The following AACS variants were observed in gnomAD, a reference collection of about 807,000 sequenced individuals.
AACS encodes the protein acetoacetate-CoA ligase.
In AACS, 69 loss-of-function variants were observed where a neutral mutation model predicts 83.1. The observed-to-expected ratio is 0.83, with a 90% confidence interval of 0.68 to 1.01. The LOEUF (loss-of-function observed/expected upper bound fraction) is 1.01. Ranked by LOEUF, AACS falls within the 50% of genes least tolerant of loss-of-function variation. The probability of loss-of-function intolerance (pLI) is 0.00; values close to 1 mark genes in which losing one functional copy is unlikely to be tolerated. For synonymous variants in AACS, 333 were observed against 343.4 expected (o/e 0.97, Z 0.33); for missense variants, 866 against 882.2 (o/e 0.98, Z 0.23).
intron 3 of AACS, among the ~76,000 whole-genome samples, chr12:125,083,207 C>T (rs6488987): frequency 0.59 from 89,345 of 151,976 alleles, 26,475 homozygotes; most frequent in South Asian, 0.69. Context: ...GATGGTGTGC[C>T]CACGTGGCTG....
chr12:125,137,016 T>C, intron 17 of AACS, 152 bp downstream of exon 17: 1 of 762,056 alleles, frequency 1.3e-6, no homozygotes, highest in Non-Finnish European at 2.1e-6. Context: ...CCATCCTTTT[T>C]CCTACCCTTC....
rs186503661 is a variant in AACS, at chr12:125,086,575, C to G, written c.472+132C>G. 3.2e-5 allele frequency: 25 copies of G among 771,076 alleles called. 2 individuals carry two copies. The highest frequency in any genetic ancestry group is 2.8e-4 in the African/African-American group (16 of 57,224). 47.8% of individuals were successfully genotyped at this position (771,076 alleles called of 1,614,324 possible). ...CATGGAACCTTGTGGGACTTGGACT[C>G]TACATGCAAGGAGAAAAAATAGACC... On this transcript the variant is annotated intron_variant, in intron 4 of 17. Coordinates refer to ENST00000316519, the MANE Select transcript of AACS (RefSeq NM_023928.5).
chr12:125,135,340 C>T (rs1957386857), intron 16 of AACS, among the ~76,000 whole-genome samples: 1 of 152,146 alleles, frequency 6.6e-6, no homozygotes, highest in African/African-American at 2.4e-5. Context: ...AGTGATCCGC[C>T]TGCCTCGGCC....
At chr12:125,109,138 T>G (rs1956896342) in intron 8 of AACS, among the ~76,000 whole-genome samples, 1 of 152,164 alleles carries the variant, frequency 6.6e-6, no homozygotes, top group East Asian at 1.9e-4. Context: ...TCCTTTTGTT[T>G]TGTTTTGTTT....
In AACS at chr12:125,136,835, A is replaced by G; in HGVS notation, c.1852A>G (p.Ser618Gly). Residue 618 changes from serine (S) to glycine (G), a missense_variant, in exon 17 of 18, where the codon AGC becomes GGC. Ser to Gly is a moderately conservative substitution (Grantham distance 56, BLOSUM62 0). Transcript: ENST00000316519. ...RMGLSARHVP[S>G]LILETKGIPY... ...GGGCTTGTCTGCGCGACACGTGCCCAGCCTCATCCTGGAAACCAAGGGCAT... is the reference window on the plus strand; with the variant it reads ...GGGCTTGTCTGCGCGACACGTGCCCGGCCTCATCCTGGAAACCAAGGGCAT... 6.2e-7 allele frequency: 1 copy of G among 1,613,784 alleles called. No individual in the cohort carries two copies. The highest frequency in any genetic ancestry group is 1.1e-5 in the South Asian group (1 of 91,084).
Position 125,124,700 on chromosome 12 carries a change from C to A in AACS, c.1122-5C>A, listed in dbSNP as rs1957217008. On this transcript the variant is annotated splice_region_variant and splice_polypyrimidine_tract_variant and intron_variant, in intron 10 of 17. Coordinates refer to ENST00000316519, the MANE Select transcript of AACS (RefSeq NM_023928.5). Reference sequence around the variant, plus strand: ...CTGGTGTTTTCTTTCCCGCCTGCACCCTAGCATCACTGTCCTGGTAACTGG... The same window carrying A: ...CTGGTGTTTTCTTTCCCGCCTGCACACTAGCATCACTGTCCTGGTAACTGG... 6.2e-7 allele frequency: 1 copy of A among 1,613,600 alleles called. No individual in the cohort carries two copies. The highest frequency in any genetic ancestry group is 1.3e-5 in the African/African-American group (1 of 74,898).
chr12:125,102,612 C>T, intron 5 of AACS, 67 bp from the exon 6 acceptor site: 1 of 1,352,674 alleles, frequency 7.4e-7, no homozygotes, highest in Non-Finnish European at 1.1e-6. Context: ...CTACAGGCAC[C>T]CACCACCATG....
At chr12:125,076,932 C>T (rs376327019) in intron 3 of AACS, among the ~76,000 whole-genome samples, 9 of 152,158 alleles carry the variant, frequency 5.9e-5, no homozygotes, top group South Asian at 4.1e-4. Flanking sequence ...GTGCAGAGGC[C>T]GGGTGTGGTG....
chr12:125,078,799 C>T (rs910024968), intron 3 of AACS, among the ~76,000 whole-genome samples: 10 of 114,198 alleles, frequency 8.8e-5, no homozygotes, highest in Admixed American at 5.4e-4. Flanking sequence ...CCAGCCTGGG[C>T]GACAGAGCAA....
rs145595572 is a variant in AACS, at chr12:125,107,250, C to T, written c.897C>T (p.Cys299=). ...FSSGTTGAPK[C]MVHSAGGTLI... ...CGGGCACCACGGGCGCACCCAAGTGCATGGTGCATTCCGCTGGGGTAGGTC... is the reference window on the plus strand; with the variant it reads ...CGGGCACCACGGGCGCACCCAAGTGTATGGTGCATTCCGCTGGGGTAGGTC... Residue 299 remains cysteine (C), a synonymous_variant, in exon 8 of 18, where the codon TGC becomes TGT. Transcript: ENST00000316519. 1.2e-6 allele frequency: 2 copies of T among 1,613,808 alleles called. No individual in the cohort carries two copies.
At chr12:125,081,644 G>A (rs953788539) in intron 3 of AACS, among the ~76,000 whole-genome samples, 2 of 152,146 alleles carry the variant, frequency 1.3e-5, no homozygotes, top group Admixed American at 6.5e-5. Flanking sequence ...ATGCTCCAGC[G>A]AGTAGAGCAA....
Position 125,102,801 on chromosome 12 carries a change from G to A in AACS, c.685+8G>A. 6.2e-7 allele frequency: 1 copy of A among 1,612,880 alleles called. No homozygotes were observed. Among genetic ancestry groups the A allele is most frequent in the Non-Finnish European group, 8.5e-7 (1 of 1,178,880 alleles). ...TGCAGCAGGTGGTTAAAGGTGTGTG[G>A]CCCTTCCGGCTCCCAGCCGGCATGG... On this transcript the variant is annotated splice_region_variant and intron_variant, in intron 6 of 17. Transcript: ENST00000316519.
Position 125,116,493 on chromosome 12 carries a change from T to C in AACS, c.996+1936T>C, listed in dbSNP as rs146237230. Among the ~76,000 whole-genome samples the C allele has an allele frequency of 6.8e-4, 104 of 152,282 alleles. 1 individual carries two copies. The East Asian group carries it at 0.017, about 25-fold the overall frequency. On this transcript the variant is annotated intron_variant, in intron 9 of 17. Coordinates refer to ENST00000316519, the MANE Select transcript of AACS (RefSeq NM_023928.5). ...TTGTTTTATTTTTTGAGACGGAGGC[T>C]CACTCTGTCACCCAGGCTGGAGTGC...
In AACS at chr12:125,141,711, GAAAAA is replaced by G. The variant is rs59709644; in HGVS notation, c.1882-376_1882-372del. On this transcript the variant is annotated intron_variant, in intron 17 of 17. Coordinates refer to ENST00000316519, the MANE Select transcript of AACS (RefSeq NM_023928.5). ...GACTCTGTCTCAAAAAAAAAAAAAA[GAAAAA>G]AAAAGAAAAAAAGAAAAATGAACAT... 3.2e-3 allele frequency: 282 copies of G among 87,600 alleles called. 3 individuals carry two copies. The highest frequency in any genetic ancestry group is 8.5e-3 in the African/African-American group (267 of 31,594). The allele number at this position is 87,600 out of a possible 1,614,324, so 5.4% of individuals were successfully genotyped here. A position where few individuals can be genotyped will look rare whatever the true frequency, so the allele number is the denominator to read the frequency against.
intron 10 of AACS, chr12:125,122,168 G>A: frequency 6.6e-6 from 1 of 152,368 alleles, no homozygotes; most frequent in Non-Finnish European, 1.5e-5. Flanking sequence ...GTGGAAGCTG[G>A]GAGGGGCCTC....
intron 1 of AACS, among the ~76,000 whole-genome samples, chr12:125,071,254 G>A (rs970212127): frequency 3.3e-5 from 5 of 152,156 alleles, no homozygotes; most frequent in Non-Finnish European, 5.9e-5. Context: ...TGCAGTGACC[G>A]TTACAACCTG....
intron 17 of AACS, chr12:125,138,601 G>C (rs1381177307): frequency 6.6e-6 from 1 of 152,172 alleles, no homozygotes; most frequent in Non-Finnish European, 1.5e-5. Flanking sequence ...CACGAGAGTA[G>C]TGGAACAATT....
At chr12:125,107,643 A>G (rs1222080634) in intron 8 of AACS, among the ~76,000 whole-genome samples, 3 of 152,178 alleles carry the variant, frequency 2.0e-5, no homozygotes, top group Non-Finnish European at 4.4e-5. Context: ...AAAAAGAACG[A>G]ATCAGAATAG....
At chr12:125,093,438 C>T (rs1956533709) in intron 5 of AACS, among the ~76,000 whole-genome samples, 1 of 152,222 alleles carries the variant, frequency 6.6e-6, no homozygotes, top group African/African-American at 2.4e-5. Flanking sequence ...CTGTGCACGT[C>T]ACTCCCCGCT....
Sources: gnomAD v4.1 joint callset for allele counts (sites outside exome capture counted in the v4.1 genomes callset) on GRCh38, gnomAD v4.1.1 for gene constraint, MANE v1.5 for transcripts, NCBI Gene and HGNC (gene_info 2026-07-23, HGNC 2026-07-21) for gene names.